Variants in CDYL2 observed in about 807,000 individuals in gnomAD.
The protein encoded by CDYL2 is chromodomain Y like 2.
In CDYL2, 23 loss-of-function variants were observed where a neutral mutation model predicts 49.4. The observed-to-expected ratio is 0.47, with a 90% CI of 0.34 to 0.66. CDYL2 has a LOEUF of 0.66. Among genes scored for constraint, CDYL2 ranks in the 30% least tolerant of loss-of-function variants. CDYL2 has a pLI of 0.01. For missense variants in CDYL2, 678 were observed against 656.4 expected (o/e 1.03, Z -0.36); for synonymous variants, 360 against 268.8 (o/e 1.34, Z -3.32).
intron 3 of CDYL2, chr16:80,628,330 A>AG (rs1907394505): frequency 6.6e-6 from 1 of 152,258 alleles, no homozygotes; most frequent in African/African-American, 2.4e-5. Context: ...GGTCATCTTC[A>AG]GGAGGAGAAT....
At chr16:80,634,210 G>A (rs562218212) in intron 2 of CDYL2, among the ~76,000 whole-genome samples, 108 of 152,158 alleles carry the variant, frequency 7.1e-4, no homozygotes, top group Middle Eastern at 6.8e-3. Context: ...TGTTTACTGC[G>A]GCACTATTCA....
chr16:80,608,286 T>A (rs1176745873), intron 5 of CDYL2, 51 bp from the exon 6 acceptor site: 1 of 1,499,676 alleles, frequency 6.7e-7, no homozygotes, highest in East Asian at 2.5e-5. Context: ...TCCACCCATG[T>A]CCCTCAGCTG....
chr16:80,733,702 A>T (rs1905414780), intron 1 of CDYL2, among the ~76,000 whole-genome samples: 1 of 152,178 alleles, frequency 6.6e-6, no homozygotes, highest in South Asian at 2.1e-4. Flanking sequence ...TGCTCTAAAG[A>T]TAAAGTAATG....
intron 1 of CDYL2, among the ~76,000 whole-genome samples, chr16:80,773,195 A>G (rs2142396953): frequency 6.6e-6 from 1 of 152,316 alleles, no homozygotes. Flanking sequence ...AAGTTTAACT[A>G]GAGTTAGAAA....
chr16:80,796,749 C>A (rs958261759), intron 1 of CDYL2, among the ~76,000 whole-genome samples: 1 of 152,174 alleles, frequency 6.6e-6, no homozygotes, highest in Admixed American at 6.5e-5. Flanking sequence ...CATTCACTTT[C>A]TTTTTACTAT....
intron 1 of CDYL2, among the ~76,000 whole-genome samples, chr16:80,760,494 G>T (rs1319191021): frequency 6.6e-6 from 1 of 152,044 alleles, no homozygotes; most frequent in African/African-American, 2.4e-5. Flanking sequence ...TCAATGGATT[G>T]TTTATAACAC....
At chr16:80,630,243 G>A (rs1264668236) in intron 3 of CDYL2, among the ~76,000 whole-genome samples, 2 of 152,200 alleles carry the variant, frequency 1.3e-5, no homozygotes, top group African/African-American at 4.8e-5. Context: ...AACTGACACT[G>A]ATTAGGGCAG....
In CDYL2 at chr16:80,778,300, G is replaced by A. The variant is rs575772591; in HGVS notation, c.24+25850C>T. Among the ~76,000 whole-genome samples, 108 of 151,910 alleles carry A rather than the reference G, an allele frequency of 7.1e-4. No homozygotes were observed. The Middle Eastern group carries it at 0.01, about 15-fold the overall frequency. On this transcript the variant is annotated intron_variant, in intron 1 of 6. Coordinates refer to ENST00000570137, the MANE Select transcript of CDYL2 (RefSeq NM_152342.4). Reference sequence around the variant, plus strand: ...TAATTTAGCATTTCTGAAAATTCTAGCTAATAAAATAAGAGTAGAAATATA... The same window carrying A: ...TAATTTAGCATTTCTGAAAATTCTAACTAATAAAATAAGAGTAGAAATATA...
At chr16:80,695,657 G>A (rs1021469915) in intron 1 of CDYL2, among the ~76,000 whole-genome samples, 1 of 152,088 alleles carries the variant, frequency 6.6e-6, no homozygotes, top group Admixed American at 6.5e-5. Context: ...AAGCAATAAA[G>A]GAGGTCATTA....
chr16:80,736,216 T>C (rs1184750830), intron 1 of CDYL2: 2 of 152,264 alleles, frequency 1.3e-5, no homozygotes, highest in African/African-American at 2.4e-5. Context: ...AATACATTTA[T>C]AATTCACACT....
intron 1 of CDYL2, among the ~76,000 whole-genome samples, chr16:80,764,723 T>A (rs779474491): frequency 2.0e-5 from 3 of 152,070 alleles, no homozygotes; most frequent in East Asian, 3.9e-4. Flanking sequence ...TAATAATAAT[T>A]AAGTGGGTCT....
intron 2 of CDYL2, among the ~76,000 whole-genome samples, chr16:80,673,068 A>C (rs891784216): frequency 2.0e-4 from 30 of 152,216 alleles, no homozygotes; most frequent in Admixed American, 6.5e-5. Flanking sequence ...CTGTAATCCC[A>C]GCACTTTGGG....
chr16:80,736,882 T>C (rs896874917), intron 1 of CDYL2, among the ~76,000 whole-genome samples: 6 of 152,234 alleles, frequency 3.9e-5, no homozygotes, highest in African/African-American at 1.4e-4. Context: ...CACTTGCACA[T>C]GGATTTATTA....
intron 1 of CDYL2, among the ~76,000 whole-genome samples, chr16:80,731,764 A>G (rs1340854609): frequency 6.6e-6 from 1 of 152,226 alleles, no homozygotes; most frequent in Non-Finnish European, 1.5e-5. Context: ...AGCAGGATGA[A>G]GACATTTTCA....
intron 1 of CDYL2, among the ~76,000 whole-genome samples, chr16:80,704,933 G>A (rs1264511689): frequency 2.6e-5 from 4 of 152,232 alleles, no homozygotes; most frequent in Non-Finnish European, 4.4e-5. Context: ...TATGGCAGGT[G>A]GAGAAGTTGG....
chr16:80,740,380 G>C (rs772573162), intron 1 of CDYL2, among the ~76,000 whole-genome samples: 2 of 152,160 alleles, frequency 1.3e-5, no homozygotes, highest in Non-Finnish European at 2.9e-5. Flanking sequence ...ATATGTATTT[G>C]AGAACCATTT....
chr16:80,607,970 G>T, intron 6 of CDYL2, 122 bp downstream of exon 6: 1 of 1,147,338 alleles, frequency 8.7e-7, no homozygotes, highest in East Asian at 2.8e-5. Context: ...AATTGCAAAG[G>T]GTCTTTTGCT....
intron 2 of CDYL2, among the ~76,000 whole-genome samples, chr16:80,643,627 G>T (rs1390970165): frequency 1.3e-5 from 2 of 152,208 alleles, no homozygotes; most frequent in African/African-American, 2.4e-5. Flanking sequence ...CTAAACTCCA[G>T]TTCTTGACTT....
intron 2 of CDYL2, among the ~76,000 whole-genome samples, chr16:80,672,158 T>G (rs950221472): frequency 6.6e-6 from 1 of 152,204 alleles, no homozygotes; most frequent in Non-Finnish European, 1.5e-5. Context: ...TTTCAGATTT[T>G]GGACTTGGGG....
Sources: allele counts gnomAD v4.1 joint callset (sites outside exome capture counted in the v4.1 genomes callset), GRCh38; gene constraint gnomAD v4.1.1; transcripts MANE v1.5; gene names NCBI Gene and HGNC (gene_info 2026-07-23, HGNC 2026-07-21).